AMZ1: variants seen among roughly 807,000 people sequenced by gnomAD.
AMZ1 encodes archaelysin family metallopeptidase 1, also known as archaemetzincin-1.
A neutral mutation model predicts 29.9 loss-of-function variants in AMZ1; 39 were observed. That is an observed-to-expected ratio of 1.30 (90% CI 1.01 to 1.70). The LOEUF is 1.70. AMZ1 is among the 40% of genes most tolerant of loss of function. The pLI is 0.00. For missense variants in AMZ1, 1,041 were observed against 680.6 expected, an observed-to-expected ratio of 1.53 and a Z score of -5.89; for synonymous variants, 458 against 304.0, an observed-to-expected ratio of 1.51 and a Z score of -5.27.
chr7:2,722,219 T>C (rs1217392820), downstream of AMZ1, among the ~76,000 whole-genome samples: 2 of 152,046 alleles, frequency 1.3e-5, no homozygotes, highest in African/African-American at 2.4e-5. Context: ...CTGGCGACGC[T>C]TGTGCCCATC....
At chr7:2,700,807 T>C (rs1788012120) in intron 2 of AMZ1, 52 bp downstream of exon 2, 1 of 1,577,768 alleles carries the variant, frequency 6.3e-7, no homozygotes, top group African/African-American at 1.3e-5. Context: ...AGCTTATATA[T>C]AGCACAAGTG....
chr7:2,713,076 A>G lies in AMZ1; in HGVS notation c.*198A>G, dbSNP rs147286679. On this transcript the variant is annotated 3_prime_UTR_variant, in exon 7 of 7. Transcript: ENST00000683327. Reference sequence around the variant, plus strand: ...AACATGGTGAGACTCTGCCTCTACAAAAGAAAAATTAAAAAATTAGCTGGA... The same window carrying G: ...AACATGGTGAGACTCTGCCTCTACAGAAGAAAAATTAAAAAATTAGCTGGA... 1.7e-3 allele frequency: 850 copies of G among 507,224 alleles called. 6 individuals carry two copies. The highest frequency in any genetic ancestry group is 0.015 in the African/African-American group (770 of 50,228). 31.4% of individuals were successfully genotyped at this position (507,224 alleles called of 1,614,324 possible).
intron 1 of AMZ1, among the ~76,000 whole-genome samples, chr7:2,693,648 C>T (rs111675143): frequency 0.09 from 13,735 of 152,202 alleles, 840 homozygotes; most frequent in South Asian, 0.13. Context: ...CTCCGCCTCC[C>T]GGGTTCACTC....
intron 1 of AMZ1, among the ~76,000 whole-genome samples, chr7:2,690,716 G>C (rs1043277771): frequency 6.6e-6 from 1 of 152,160 alleles, no homozygotes; most frequent in African/African-American, 2.4e-5. Context: ...TGCAAAACTT[G>C]TCGCTGTGGC....
At chr7:2,702,618 T>C in intron 2 of AMZ1, 104 bp from the exon 3 acceptor site, 2 of 1,331,492 alleles carry the variant, frequency 1.5e-6, no homozygotes, top group Non-Finnish European at 2.0e-6. Context: ...AGGTCCACAT[T>C]GGCCTTGTTC....
Position 2,700,314 on chromosome 7 carries a change from T to G in AMZ1, c.-138T>G. ...TGGGCCTTAAGGGCCCTTGGACCAG[T>G]GTCTGTCTGCAGGGAGCCCCCGGTA... On this transcript the variant is annotated 5_prime_UTR_variant, in exon 2 of 7. Coordinates refer to ENST00000683327, the MANE Select transcript of AMZ1 (RefSeq NM_001384743.1). The G allele has an allele frequency of 1.0e-6, 1 of 984,816 alleles. No homozygotes were observed. Among genetic ancestry groups the G allele is most frequent in the Non-Finnish European group, 1.5e-6 (1 of 683,118 alleles). The allele number at this position is 984,816 out of a possible 1,614,324, so 61.0% of individuals were successfully genotyped here. A position where few individuals can be genotyped will look rare whatever the true frequency, so the allele number is the denominator to read the frequency against.
upstream of AMZ1, chr7:2,762,490 G>A (rs1325136207): frequency 2.6e-6 from 2 of 773,340 alleles, no homozygotes; most frequent in African/African-American, 3.6e-5. Flanking sequence ...TGCGGGGCCT[G>A]AGGTGTGAGT....
chr7:2,681,671 G>T (rs1185748893), intron 1 of AMZ1, among the ~76,000 whole-genome samples: 1 of 152,190 alleles, frequency 6.6e-6, no homozygotes, highest in Non-Finnish European at 1.5e-5. Context: ...GCAGGGAGAT[G>T]TCATTGGAGA....
At chr7:2,708,946 G>C (rs886579722) in intron 4 of AMZ1, 129 bp from the exon 5 acceptor site, 45 of 1,315,206 alleles carry the variant, frequency 3.4e-5, no homozygotes, top group Non-Finnish European at 4.3e-5. Context: ...GGGCAGGACA[G>C]GGCCTCCCAG....
At chr7:2,688,827 T>C (rs1583138078) in intron 1 of AMZ1, among the ~76,000 whole-genome samples, 2 of 152,050 alleles carry the variant, frequency 1.3e-5, no homozygotes, top group South Asian at 2.1e-4. Context: ...AGGCTGTGGA[T>C]ATGATCCCTG....
At position 2,731,248 on chromosome 7, in the gene AMZ1, C is replaced by A; in HGVS notation, n.550+21432C>A. ...GTCTTTCACAGCATGGAACACGAAG[C>A]GGACGTTCTCGGTGTCGATGGCGGT... On this transcript the variant is annotated intron_variant and non_coding_transcript_variant, in intron 4 of 4. Transcript: ENST00000489665. The surrounding 1 kb of genome is among the most constrained non-coding windows in gnomAD (Gnocchi z 6.0). 1.9e-6 allele frequency: 3 copies of A among 1,613,740 alleles called. No individual in the cohort carries two copies. Among genetic ancestry groups the A allele is most frequent in the Non-Finnish European group, 2.5e-6 (3 of 1,179,914 alleles).
chr7:2,746,978 G>C (rs1399207678), intron 4 of AMZ1, among the ~76,000 whole-genome samples: 2 of 152,152 alleles, frequency 1.3e-5, no homozygotes, highest in Non-Finnish European at 2.9e-5. Context: ...GGAAGAAGTT[G>C]AATCTCTGAA....
chr7:2,693,771 T>A (rs997576880), intron 1 of AMZ1, among the ~76,000 whole-genome samples: 1 of 152,092 alleles, frequency 6.6e-6, no homozygotes, highest in African/African-American at 2.4e-5. Context: ...TAGCCAGGAT[T>A]GTCTTGATCT....
intron 4 of AMZ1, among the ~76,000 whole-genome samples, chr7:2,753,012 C>T (rs150914033): frequency 3.9e-5 from 6 of 152,338 alleles, no homozygotes; most frequent in Non-Finnish European, 7.3e-5. Flanking sequence ...CACAGCCATC[C>T]TCCTTCTTCC....
chr7:2,687,382 C>T (rs1583135162), upstream of AMZ1, among the ~76,000 whole-genome samples: 1 of 152,064 alleles, frequency 6.6e-6, no homozygotes, highest in East Asian at 1.9e-4. Context: ...AATCCCTCAG[C>T]CATCTGTGGG....
At chr7:2,755,337 C>G (rs996360060) in intron 4 of AMZ1, among the ~76,000 whole-genome samples, 4 of 152,242 alleles carry the variant, frequency 2.6e-5, no homozygotes, top group African/African-American at 9.6e-5. Flanking sequence ...ATCTGTGTAT[C>G]AATCAGGGGA....
Position 2,712,423 on chromosome 7 carries a change from G to A in AMZ1, c.1042G>A (p.Ala348Thr), listed in dbSNP as rs141911364. The A allele has an allele frequency of 5.6e-5, 90 of 1,611,752 alleles. 1 individual carries two copies. In the African/African-American group the frequency reaches 7.3e-4, roughly 13 times the overall value. Residue 348 changes from alanine to threonine, a missense_variant, in exon 7 of 7, where the codon GCC (alanine) becomes ACC (threonine). By Grantham distance (58) the Ala-to-Thr change is moderately conservative (BLOSUM62 0). Transcript: ENST00000683327. ...GTGGGAGGACACCCCGCCTGCCAGC[G>A]CCGACTCGGGCATGTGCTGTGAGAG... ...SVWEDTPPAS[A>T]DSGMCCESDS...
At chr7:2,763,191 A>AACACACACACACACAC (rs56384682), upstream of AMZ1, 1,484 of 222,642 alleles carry the variant, frequency 6.7e-3, 25 homozygotes, top group African/African-American at 0.011. Flanking sequence ...AAGACACCCC[A>AACACACACACACACAC]ACACACACAC....
At chr7:2,736,780 C>G (rs1319607899) in intron 4 of AMZ1, among the ~76,000 whole-genome samples, 1 of 152,246 alleles carries the variant, frequency 6.6e-6, no homozygotes, top group Non-Finnish European at 1.5e-5. Flanking sequence ...TCAGCACCGT[C>G]AGGCAGGCAC....
Sources: allele counts gnomAD v4.1 joint callset (sites outside exome capture counted in the v4.1 genomes callset), GRCh38; gene constraint gnomAD v4.1.1; non-coding constraint Gnocchi (gnomAD v3.1); transcripts MANE v1.5; gene names NCBI Gene and HGNC (gene_info 2026-07-23, HGNC 2026-07-21).